PXT1: variants seen among roughly 807,000 people sequenced by gnomAD.
The protein encoded by PXT1 is peroxisomal testis-specific protein 1.
A neutral mutation model predicts 11.0 loss-of-function variants in PXT1; 11 were observed. That is an observed-to-expected ratio of 1.00 (90% CI 0.63 to 1.66). The LOEUF is 1.66. Among genes scored for constraint, PXT1 ranks in the 40% most tolerant of loss-of-function variants. PXT1 has a pLI of 0.00. For synonymous variants in PXT1, 43 were observed against 51.4 expected (o/e 0.84, Z 0.70); for missense variants, 141 against 155.5 (o/e 0.91, Z 0.49).
chr6:36,426,195 A>G (rs1774603675), intron 2 of PXT1, 104 bp from the exon 3 acceptor site: 2 of 730,516 alleles, frequency 2.7e-6, no homozygotes, highest in African/African-American at 3.6e-5. Flanking sequence ...CATTTATTCC[A>G]CATATAAGAG....
chr6:36,441,197 T>A (rs1261716589), intron 1 of PXT1, among the ~76,000 whole-genome samples: 2 of 152,186 alleles, frequency 1.3e-5, no homozygotes, highest in African/African-American at 2.4e-5. Flanking sequence ...AAGAACTGTT[T>A]TGCAGGAATA....
At chr6:36,416,804 C>T (rs1343875416) in intron 3 of PXT1, among the ~76,000 whole-genome samples, 9 of 152,134 alleles carry the variant, frequency 5.9e-5, no homozygotes, top group Non-Finnish European at 8.8e-5. Flanking sequence ...AAACAACTTA[C>T]GGATAGCATG....
chr6:36,439,414 A>G (rs1012124551), intron 1 of PXT1, among the ~76,000 whole-genome samples: 6 of 151,384 alleles, frequency 4.0e-5, no homozygotes, highest in African/African-American at 1.5e-4. Flanking sequence ...GAGTTGGAGA[A>G]GAGCCTGGCC....
At chr6:36,410,058 C>T (rs957122890) in intron 3 of PXT1, among the ~76,000 whole-genome samples, 3 of 149,328 alleles carry the variant, frequency 2.0e-5, no homozygotes, top group Non-Finnish European at 4.5e-5. Flanking sequence ...CTCGGTGGCT[C>T]GTGCCTGTAA....
At chr6:36,413,421 A>G (rs1774403191) in intron 3 of PXT1, among the ~76,000 whole-genome samples, 1 of 117,602 alleles carries the variant, frequency 8.5e-6, no homozygotes, top group Admixed American at 8.0e-5. Context: ...CATCTCAAAA[A>G]AAATAAGAAA....
intron 3 of PXT1, among the ~76,000 whole-genome samples, chr6:36,412,862 A>G (rs1420045815): frequency 6.6e-6 from 1 of 152,066 alleles, no homozygotes; most frequent in Non-Finnish European, 1.5e-5. Context: ...TTTAAAAAAT[A>G]TGATCGCCAA....
chr6:36,422,737 A>G (rs2127415723), intron 3 of PXT1, among the ~76,000 whole-genome samples: 1 of 152,366 alleles, frequency 6.6e-6, no homozygotes, highest in East Asian at 1.9e-4. Flanking sequence ...AAAGCTTCCA[A>G]GCACTCTTAA....
chr6:36,408,824 T>G (rs1582255229), intron 3 of PXT1, among the ~76,000 whole-genome samples: 1 of 151,632 alleles, frequency 6.6e-6, no homozygotes, highest in African/African-American at 2.4e-5. Flanking sequence ...GAGGCTGCAG[T>G]GACCCATGAT....
intron 3 of PXT1, among the ~76,000 whole-genome samples, chr6:36,424,253 G>A (rs888653617): frequency 2.0e-5 from 3 of 152,122 alleles, no homozygotes; most frequent in Admixed American, 6.5e-5. Flanking sequence ...AGTGAATTAC[G>A]TCTCTTAAAA....
rs1774811793 is a variant in PXT1 at position 36,438,812 on chromosome 6, T to C, written c.-55A>G. On this transcript the variant is annotated 5_prime_UTR_variant, in exon 2 of 5. Transcript: ENST00000454782. ...CTCTTTATTTTCTGTATTTTCATGC[T>C]TGAGTTAATAAATTGCAAAGTTTCC... 1 of 152,256 alleles carries C rather than the reference T, an allele frequency of 6.6e-6. No individual in the cohort carries two copies. Among genetic ancestry groups the C allele is most frequent in the Non-Finnish European group, 1.5e-5 (1 of 68,048 alleles). The allele number at this position is 152,256 out of a possible 1,614,324, so 9.4% of individuals were successfully genotyped here.
At chr6:36,402,245 A>G (rs899707532) in intron 3 of PXT1, among the ~76,000 whole-genome samples, 1 of 152,218 alleles carries the variant, frequency 6.6e-6, no homozygotes. Context: ...AGGTCTAAAG[A>G]ATACAGACAA....
At chr6:36,401,615 CAAA>C (rs140178346) in intron 3 of PXT1, among the ~76,000 whole-genome samples, 169 of 115,038 alleles carry the variant, frequency 1.5e-3, no homozygotes, top group East Asian at 5.2e-3. Context: ...GACCCTGTCT[CAAA>C]AAAAAAAAAA....
At chr6:36,442,249 G>A (rs978595528) in intron 1 of PXT1, among the ~76,000 whole-genome samples, 5 of 151,924 alleles carry the variant, frequency 3.3e-5, no homozygotes, top group Admixed American at 2.6e-4. Context: ...GGCTGGTCTG[G>A]AATGCCCAAC....
intron 3 of PXT1, among the ~76,000 whole-genome samples, chr6:36,401,192 T>C (rs764666329): frequency 2.6e-5 from 4 of 151,790 alleles, no homozygotes; most frequent in Non-Finnish European, 5.9e-5. Context: ...TATAAAATTA[T>C]TAATGATATA....
chr6:36,437,521 T>A (rs1774784007), intron 2 of PXT1, among the ~76,000 whole-genome samples: 1 of 150,756 alleles, frequency 6.6e-6, no homozygotes, highest in Non-Finnish European at 1.5e-5. Flanking sequence ...TGGGTTTTTT[T>A]TTTTTTTTTG....
At chr6:36,429,516 T>C (rs9470275) in intron 2 of PXT1, among the ~76,000 whole-genome samples, 1 of 145,576 alleles carries the variant, frequency 6.9e-6, no homozygotes, top group Non-Finnish European at 1.5e-5. Flanking sequence ...TTCTTTTTTT[T>C]TTTTTTGAGA....
At chr6:36,412,120 G>A (rs1354497775) in intron 3 of PXT1, among the ~76,000 whole-genome samples, 1 of 152,180 alleles carries the variant, frequency 6.6e-6, no homozygotes, top group African/African-American at 2.4e-5. Context: ...GGGAGGCCAA[G>A]GCAGGTGGAT....
Position 36,426,341 on chromosome 6 carries a change from T to TTC in PXT1, c.-9-252_-9-251dup, listed in dbSNP as rs199897460. Among the ~76,000 whole-genome samples the TTC allele has an allele frequency of 7.9e-3, 1,164 of 146,902 alleles. 30 individuals are homozygous for TTC. The highest frequency in any genetic ancestry group is 0.028 in the African/African-American group (1,101 of 39,482). On this transcript the variant is annotated intron_variant, in intron 2 of 4. Coordinates refer to ENST00000454782, the MANE Select transcript of PXT1 (RefSeq NM_152990.4). ...CATCCTTATCTCCCATTAGTCTTTC[T>TTC]TCTCTCTCTCTCGCTTTTTTTTTTT...
At chr6:36,414,871 G>C (rs1774427075) in intron 3 of PXT1, among the ~76,000 whole-genome samples, 1 of 152,116 alleles carries the variant, frequency 6.6e-6, no homozygotes, top group Non-Finnish European at 1.5e-5. Context: ...TTTTAGTTGG[G>C]GAAAGTGGTT....
Sources: allele counts gnomAD v4.1 joint callset (sites outside exome capture counted in the v4.1 genomes callset), GRCh38; gene constraint gnomAD v4.1.1; transcripts MANE v1.5; gene names NCBI Gene and HGNC (gene_info 2026-07-23, HGNC 2026-07-21).